ERBB4: variants seen among roughly 807,000 people sequenced by gnomAD.
ERBB4 encodes the protein erb-b2 receptor tyrosine kinase 4, also known as receptor tyrosine-protein kinase erbB-4.
A neutral mutation model predicts 158.0 loss-of-function variants in ERBB4; 42 were observed. The observed-to-expected ratio is 0.27, with a 90% confidence interval of 0.21 to 0.34. The LOEUF (loss-of-function observed/expected upper bound fraction) is 0.34, where lower values mean the gene tolerates loss of function less well. Among genes scored for constraint, ERBB4 ranks in the 10% least tolerant of loss-of-function variants. The probability of loss-of-function intolerance (pLI) is 1.00; values close to 1 mark genes in which losing one functional copy is unlikely to be tolerated. For missense variants in ERBB4, 1,333 were observed against 1,624.1 expected, an observed-to-expected ratio of 0.82 and a Z score of 3.08; for synonymous variants, 583 against 558.7, an observed-to-expected ratio of 1.04 and a Z score of -0.61.
At chr2:212,134,819 G>A (rs988151419) in intron 1 of ERBB4, among the ~76,000 whole-genome samples, 4 of 151,706 alleles carry the variant, frequency 2.6e-5, no homozygotes, top group African/African-American at 9.7e-5. Flanking sequence ...CAGGAGCTGG[G>A]ACTACAGGCG....
In ERBB4 at chr2:211,852,260, A is replaced by T. The variant is rs995907268; in HGVS notation, c.422-64101T>A. ...TCTGACTTCAGTAAAATTAAAAATG[A>T]GGAAAACATTTAAATCTTTTTAAAA... On this transcript the variant is annotated intron_variant, in intron 3 of 27. Transcript: ENST00000342788. 1.9e-4 allele frequency among the ~76,000 whole-genome samples: 29 copies of T among 151,984 alleles called. 1 individual carries two copies. The highest frequency in any genetic ancestry group is 1.8e-3 in the Admixed American group (27 of 15,234).
intron 4 of ERBB4, among the ~76,000 whole-genome samples, chr2:211,754,529 T>A (rs1192868692): frequency 6.8e-6 from 1 of 147,992 alleles, no homozygotes; most frequent in Admixed American, 6.9e-5. Context: ...GCCTCCCGAG[T>A]AGCTGGGATT....
At chr2:212,185,768 A>G (rs1454782650) in intron 1 of ERBB4, among the ~76,000 whole-genome samples, 3 of 152,106 alleles carry the variant, frequency 2.0e-5, no homozygotes, top group Non-Finnish European at 4.4e-5. Context: ...TCTCAGTTGT[A>G]GTGTAGGTAT....
intron 2 of ERBB4, among the ~76,000 whole-genome samples, chr2:212,119,132 T>C (rs1453972896): frequency 6.6e-6 from 1 of 152,092 alleles, no homozygotes; most frequent in Admixed American, 6.5e-5. Flanking sequence ...GTTAAATAAA[T>C]TCATCTCCTT....
At chr2:212,022,752 T>C (rs2076684565) in intron 2 of ERBB4, among the ~76,000 whole-genome samples, 1 of 152,148 alleles carries the variant, frequency 6.6e-6, no homozygotes, top group Non-Finnish European at 1.5e-5. Context: ...TTATTTGTAT[T>C]TTTTTGTTTC....
intron 20 of ERBB4, among the ~76,000 whole-genome samples, chr2:211,509,363 CAAAT>C (rs965412848): frequency 2.6e-5 from 4 of 151,860 alleles, no homozygotes; most frequent in African/African-American, 9.7e-5. Context: ...AATAAATAAA[CAAAT>C]AAAACTGGGA....
At chr2:212,501,620 A>T (rs948064922) in intron 1 of ERBB4, among the ~76,000 whole-genome samples, 1 of 152,202 alleles carries the variant, frequency 6.6e-6, no homozygotes. Flanking sequence ...GTACCCTGAA[A>T]ATCATACCTG....
At chr2:212,288,263 A>G (rs1295771426) in intron 1 of ERBB4, among the ~76,000 whole-genome samples, 3 of 152,168 alleles carry the variant, frequency 2.0e-5, no homozygotes, top group East Asian at 1.9e-4. Flanking sequence ...TTCAGTGTCC[A>G]CAATGCTAAT....
intron 3 of ERBB4, among the ~76,000 whole-genome samples, chr2:211,909,880 T>A (rs1039257274): frequency 6.6e-6 from 1 of 151,796 alleles, no homozygotes; most frequent in Non-Finnish European, 1.5e-5. Context: ...CTTTCCATAG[T>A]CTGGACAATC....
chr2:212,289,008 C>T (rs2086107626), intron 1 of ERBB4, among the ~76,000 whole-genome samples: 1 of 151,942 alleles, frequency 6.6e-6, no homozygotes, highest in African/African-American at 2.4e-5. Flanking sequence ...GACAGAAAGC[C>T]GTGGGCAACC....
chr2:211,883,506 G>A (rs946847520), intron 3 of ERBB4, among the ~76,000 whole-genome samples: 15 of 151,996 alleles, frequency 9.9e-5, no homozygotes, highest in Non-Finnish European at 2.1e-4. Flanking sequence ...GGCCAGTCAC[G>A]GTGGCTCACA....
At chr2:211,924,957 C>T (rs2079976361) in intron 3 of ERBB4, among the ~76,000 whole-genome samples, 1 of 151,978 alleles carries the variant, frequency 6.6e-6, no homozygotes, top group African/African-American at 2.4e-5. Context: ...TTTTTTTCCC[C>T]TTGGAAATAG....
chr2:211,912,345 A>AT (rs888609963), intron 3 of ERBB4, among the ~76,000 whole-genome samples: 26 of 149,824 alleles, frequency 1.7e-4, no homozygotes, highest in South Asian at 8.5e-4. Context: ...GGGTCCTGAG[A>AT]TTTTTTTTTT....
chr2:212,400,728 T>C (rs1054306879), intron 1 of ERBB4, among the ~76,000 whole-genome samples: 18 of 152,154 alleles, frequency 1.2e-4, no homozygotes, highest in African/African-American at 4.1e-4. Flanking sequence ...AAATCCACTT[T>C]TTCTGATTAT....
intron 20 of ERBB4, among the ~76,000 whole-genome samples, chr2:211,559,687 T>C (rs1002938431): frequency 1.3e-5 from 2 of 152,202 alleles, no homozygotes; most frequent in Non-Finnish European, 2.9e-5. Flanking sequence ...CTATAGTTAA[T>C]TCTTTCATTT....
rs34985638 is a variant in ERBB4 at position 211,941,750 on chromosome 2, AC to A, written c.421+5679del. Reference sequence around the variant, plus strand: ...TTTTTTTTTTGTCTAAACAGGTCACACCCAAAGCCCCAAGGAAACAACAGGA... The same window carrying A: ...TTTTTTTTTTGTCTAAACAGGTCACACCAAAGCCCCAAGGAAACAACAGGA... On this transcript the variant is annotated intron_variant, in intron 3 of 27. Coordinates refer to ENST00000342788, the MANE Select transcript of ERBB4 (RefSeq NM_005235.3). Among the ~76,000 whole-genome samples, 1,403 of 145,340 alleles carry A rather than the reference AC, an allele frequency of 9.7e-3. 26 individuals are homozygous for A. The highest frequency in any genetic ancestry group is 0.035 in the African/African-American group (1,338 of 38,284).
intron 1 of ERBB4, among the ~76,000 whole-genome samples, chr2:212,299,164 C>T (rs941404073): frequency 5.3e-5 from 8 of 151,590 alleles, no homozygotes; most frequent in Non-Finnish European, 1.2e-4. Flanking sequence ...CACACACAGA[C>T]AATAATACAA....
At chr2:211,658,876 T>C (rs576223875) in intron 15 of ERBB4, among the ~76,000 whole-genome samples, 8 of 152,260 alleles carry the variant, frequency 5.3e-5, no homozygotes, top group African/African-American at 1.9e-4. Context: ...ATTTCTTTCA[T>C]CTTCCAATAT....
At chr2:211,962,774 G>T (rs575330546) in intron 2 of ERBB4, among the ~76,000 whole-genome samples, 1 of 152,184 alleles carries the variant, frequency 6.6e-6, no homozygotes, top group African/African-American at 2.4e-5. Context: ...CTGGATGTGG[G>T]AATTGAGGAA....
Sources: gnomAD v4.1 joint callset for allele counts (sites outside exome capture counted in the v4.1 genomes callset) on GRCh38, gnomAD v4.1.1 for gene constraint, MANE v1.5 for transcripts, NCBI Gene and HGNC (gene_info 2026-07-23, HGNC 2026-07-21) for gene names.